Variants in OSMR observed in about 807,000 individuals in gnomAD.
OSMR encodes oncostatin M receptor, also known as oncostatin-M-specific receptor subunit beta.
OSMR carries 81 observed loss-of-function variants against 99.9 expected under a neutral mutation model. That is an observed-to-expected ratio of 0.81 (90% CI 0.68 to 0.97). The LOEUF is 0.97. Among genes scored for constraint, OSMR ranks in the 50% least tolerant of loss-of-function variants. OSMR has a pLI of 0.00. For synonymous variants in OSMR, 406 were observed against 410.4 expected (o/e 0.99, Z 0.13); for missense variants, 1,099 against 1,153.4 (o/e 0.95, Z 0.68).
In OSMR at chr5:38,846,087, C is replaced by G. The variant is rs1739779129; in HGVS notation, c.-314C>G. Reference sequence around the variant, plus strand: ...CCCGCACCCGCGCCCCACGCGCCGCCGAGGACTCGGCCCGGCTCGTGGAGC... The same window carrying G: ...CCCGCACCCGCGCCCCACGCGCCGCGGAGGACTCGGCCCGGCTCGTGGAGC... On this transcript the variant is annotated 5_prime_UTR_variant, in exon 1 of 18. Transcript: ENST00000274276. The G allele has an allele frequency of 6.6e-6, 1 of 152,402 alleles. No homozygotes were observed. Among genetic ancestry groups the G allele is most frequent in the Non-Finnish European group, 1.5e-5 (1 of 68,300 alleles). 9.4% of individuals were successfully genotyped at this position (152,402 alleles called of 1,614,324 possible). A position where few individuals can be genotyped will look rare whatever the true frequency, so the allele number is the denominator to read the frequency against.
chr5:38,902,891 CCT>C (rs111804935), intron 7 of OSMR, among the ~76,000 whole-genome samples: 240 of 152,222 alleles, frequency 1.6e-3, no homozygotes, highest in African/African-American at 5.3e-3. Flanking sequence ...ACTAAGCTCC[CCT>C]GTTTCCACGC....
chr5:38,924,387 C>T, intron 13 of OSMR, 35 bp from the exon 14 acceptor site: 1 of 1,613,712 alleles, frequency 6.2e-7, no homozygotes, highest in Non-Finnish European at 8.5e-7. Context: ...GTTTCCAAAT[C>T]ATGACTTTTC....
downstream of OSMR, chr5:38,937,796 G>A (rs112647130): frequency 1.8e-5 from 3 of 167,072 alleles, no homozygotes; most frequent in Non-Finnish European, 3.9e-5. The surrounding 1 kb of genome is among the most constrained non-coding windows in gnomAD (Gnocchi z 4.0). Flanking sequence ...CACTCTACAT[G>A]TCTGTGGTAC....
In OSMR at chr5:38,912,043, A is replaced by G. The variant is rs79528768; in HGVS notation, c.1286-5503A>G. 4.5e-3 allele frequency among the ~76,000 whole-genome samples: 692 copies of G among 152,178 alleles called. 7 individuals are homozygous for G. Among genetic ancestry groups the G allele is most frequent in the Non-Finnish European group, 7.0e-3 (478 of 67,982 alleles). ...ACTCTCACCACTCCTATTCAATATA[A>G]TATTGGAAGTCCTAGCCAGAGCAAT... On this transcript the variant is annotated intron_variant, in intron 9 of 17. Coordinates refer to ENST00000274276, the MANE Select transcript of OSMR (RefSeq NM_003999.3).
chr5:38,922,076 A>C (rs1487010299), intron 12 of OSMR, among the ~76,000 whole-genome samples: 1 of 152,210 alleles, frequency 6.6e-6, no homozygotes, highest in Non-Finnish European at 1.5e-5. Flanking sequence ...GAAGGACATT[A>C]TTATAACAGT....
chr5:38,911,703 G>A (rs1463148972), intron 9 of OSMR, among the ~76,000 whole-genome samples: 1 of 152,148 alleles, frequency 6.6e-6, no homozygotes, highest in African/African-American at 2.4e-5. Flanking sequence ...ACATTAAAAA[G>A]CTAATCCACC....
chr5:38,856,749 C>G (rs1561332205), intron 1 of OSMR, among the ~76,000 whole-genome samples: 1 of 152,136 alleles, frequency 6.6e-6, no homozygotes, highest in Non-Finnish European at 1.5e-5. Context: ...ACAAGGGATC[C>G]ACCTGACTCA....
rs930227704 is a variant in OSMR, at chr5:38,941,807, T to C, written c.75-2394T>C. On this transcript the variant is annotated intron_variant and NMD_transcript_variant, in intron 1 of 2. Transcript: ENST00000508882. The stretch of plus-strand genomic sequence containing the variant: ...CGTGAAAGGGCCAAAGTTCCCTCTC[T>C]AATACCAGCAGTTATAGCACACCCC... 1.3e-5 allele frequency: 3 copies of C among 233,110 alleles called. No homozygotes were observed. The Admixed American group carries it at 1.7e-4, about 13-fold the overall frequency. The allele number at this position is 233,110 out of a possible 1,614,324, so 14.4% of individuals were successfully genotyped here.
intron 4 of OSMR, among the ~76,000 whole-genome samples, chr5:38,883,315 G>A (rs1743446689): frequency 6.6e-6 from 1 of 152,238 alleles, no homozygotes; most frequent in Non-Finnish European, 1.5e-5. Context: ...TTCTGAGAAG[G>A]TAGGGAGAGA....
At chr5:38,888,268 C>T (rs1743924618) in intron 7 of OSMR, among the ~76,000 whole-genome samples, 1 of 152,068 alleles carries the variant, frequency 6.6e-6, no homozygotes, top group South Asian at 2.1e-4. Context: ...ATGCAGGGCA[C>T]CTTGATGTTC....
intron 1 of OSMR, among the ~76,000 whole-genome samples, chr5:38,860,741 TG>T (rs1741223348): frequency 6.6e-6 from 1 of 152,128 alleles, no homozygotes; most frequent in East Asian, 1.9e-4. Context: ...GGCACAATCT[TG>T]GCTCACTGCA....
rs1324949951 is a variant in OSMR, at chr5:38,933,399, C to T, written c.2895C>T (p.Ser965=). The change falls in exon 18 of 18, where the codon AGC becomes AGT. Residue 965 remains serine (S), a synonymous_variant. Coordinates refer to ENST00000274276, the MANE Select transcript of OSMR (RefSeq NM_003999.3). ...LALPPPTENS[S]LSSITLLDPG... is the part of the protein sequence containing the mutation. ...TGCCTCCCCCGACCGAGAATAGCAG[C>T]CTCTCCTCAATTACCCTTTTAGATC... 6.2e-7 allele frequency: 1 copy of T among 1,613,984 alleles called. No individual in the cohort carries two copies. The highest frequency in any genetic ancestry group is 1.7e-5 in the Admixed American group (1 of 60,018).
At chr5:38,867,551 C>A (rs1206648726) in intron 1 of OSMR, among the ~76,000 whole-genome samples, 4 of 152,326 alleles carry the variant, frequency 2.6e-5, no homozygotes, top group African/African-American at 9.6e-5. Flanking sequence ...CCCTGACTAA[C>A]ACATTTGTTC....
At chr5:38,886,596 G>A (rs1054081797) in intron 7 of OSMR, 1 of 170,574 alleles carries the variant, frequency 5.9e-6, no homozygotes, top group Admixed American at 5.9e-5. Context: ...AGGACATCAA[G>A]CTGTATGTAA....
At chr5:38,861,312 T>C (rs1741281345) in intron 1 of OSMR, among the ~76,000 whole-genome samples, 1 of 151,524 alleles carries the variant, frequency 6.6e-6, no homozygotes, top group Admixed American at 6.6e-5. Context: ...GATTAGGGAG[T>C]GGTGATGATT....
chr5:38,927,377 C>A (rs190441636), intron 15 of OSMR, among the ~76,000 whole-genome samples: 2 of 152,352 alleles, frequency 1.3e-5, no homozygotes, highest in Admixed American at 1.3e-4. Context: ...CAAACTTCTG[C>A]TTGGACATGC....
In OSMR at chr5:38,934,350, C is replaced by T. The variant is rs1254872456; in HGVS notation, c.*906C>T. Reference sequence around the variant, plus strand: ...AGGTTGTCTGGGTCAAGATAACTCTCAGTCACATTTATATTCATATTATGC... The same window carrying T: ...AGGTTGTCTGGGTCAAGATAACTCTTAGTCACATTTATATTCATATTATGC... On this transcript the variant is annotated 3_prime_UTR_variant, in exon 18 of 18. Coordinates refer to ENST00000274276, the MANE Select transcript of OSMR (RefSeq NM_003999.3). 3 of 152,430 alleles carry T rather than the reference C, an allele frequency of 2.0e-5. No individual in the cohort carries two copies. Among genetic ancestry groups the T allele is most frequent in the Non-Finnish European group, 4.4e-5 (3 of 68,046 alleles). The allele number at this position is 152,430 out of a possible 1,614,324, so 9.4% of individuals were successfully genotyped here. A position where few individuals can be genotyped will look rare whatever the true frequency, so the allele number is the denominator to read the frequency against.
rs145785794 is a variant in OSMR, at chr5:38,859,958, A to G, written c.-13-9074A>G. 4.3e-4 allele frequency among the ~76,000 whole-genome samples: 66 copies of G among 152,272 alleles called. 1 individual carries two copies. The highest frequency in any genetic ancestry group is 1.6e-3 in the African/African-American group (66 of 41,568). On this transcript the variant is annotated intron_variant, in intron 1 of 17. Coordinates refer to ENST00000274276, the MANE Select transcript of OSMR (RefSeq NM_003999.3). ...TTCTAAAACTTTACTGAATTCATTT[A>G]TCAGTTCTAAGAAGTTTTTGTGGAG...
At chr5:38,894,066 C>A (rs1304348248) in intron 7 of OSMR, among the ~76,000 whole-genome samples, 1 of 152,172 alleles carries the variant, frequency 6.6e-6, no homozygotes, top group Non-Finnish European at 1.5e-5. Context: ...AATTTCATAT[C>A]CTGCCAAGTT....
Sources: gnomAD v4.1 joint callset for allele counts (sites outside exome capture counted in the v4.1 genomes callset) on GRCh38, gnomAD v4.1.1 for gene constraint, Gnocchi (gnomAD v3.1) non-coding constraint, MANE v1.5 for transcripts, NCBI Gene and HGNC (gene_info 2026-07-23, HGNC 2026-07-21) for gene names.